PRKCG: variants seen among roughly 807,000 people sequenced by gnomAD.
PRKCG encodes protein kinase C gamma.
Under a neutral mutation model 82.0 loss-of-function variants are expected in PRKCG, and 28 were observed. The observed-to-expected ratio is 0.34, with a 90% CI of 0.25 to 0.47. PRKCG has a LOEUF of 0.47. PRKCG is among the 20% of genes least tolerant of loss of function. The pLI, the probability that PRKCG is intolerant of heterozygous loss-of-function variation, is 1.00. For synonymous variants in PRKCG, 383 were observed against 376.6 expected (o/e 1.02, Z -0.20); for missense variants, 640 against 952.7 (o/e 0.67, Z 4.32).
rs961741139 is a variant in PRKCG, at chr19:53,891,798, G to A, written c.654G>A (p.Thr218=). The change falls in exon 6 of 18, where the codon ACG becomes ACA. Residue 218 remains threonine, a synonymous_variant. Transcript: ENST00000263431. ...TKQKTRTVKA[T]LNPVWNETFV... Reference sequence around the variant, plus strand: ...AGAAGACCCGAACGGTGAAAGCCACGCTAAACCCTGTGTGGAATGAGACCT... The same window carrying A: ...AGAAGACCCGAACGGTGAAAGCCACACTAAACCCTGTGTGGAATGAGACCT... 1.9e-6 allele frequency: 3 copies of A among 1,613,958 alleles called. No homozygotes were observed. The highest frequency in any genetic ancestry group is 1.7e-5 in the Admixed American group (1 of 59,978).
rs149024478 is a variant in PRKCG at position 53,886,307 on chromosome 19, T to C, written c.285+2064T>C. On this transcript the variant is annotated intron_variant, in intron 3 of 17. Transcript: ENST00000263431. ...ATTTTTAGTAGACAGGGTTTCATCA[T>C]GCTGGCCAAGCTGGTCTTGCTCCTG... is the stretch of plus-strand genomic sequence containing the variant. Among the ~76,000 whole-genome samples the C allele has an allele frequency of 3.1e-3, 468 of 152,036 alleles. 5 individuals are homozygous for C. The highest frequency in any genetic ancestry group is 0.011 in the African/African-American group (441 of 41,508).
At chr19:53,897,830 G>C in intron 9 of PRKCG, 129 bp from the exon 10 acceptor site, 1 of 1,255,856 alleles carries the variant, frequency 8.0e-7, no homozygotes, top group South Asian at 1.2e-5. Context: ...CAGGGTAGGA[G>C]GGTGGCCATT....
chr19:53,906,893 T>C lies in PRKCG; in HGVS notation c.2092T>C (p.Ter698GlnextTer47), dbSNP rs1158020271. Residue 698 changes from the stop codon to glutamine, a stop_lost, in exon 18 of 18, where the codon TAA (stop) becomes CAA (glutamine). Transcript: ENST00000263431. ...PTSPVPVPVM[*>Q] ...CAGCCCAGTGCCTGTGCCCGTCATGTAATCTCACCCGCCGCCACTAGGTGT... is the reference window on the plus strand; with the variant it reads ...CAGCCCAGTGCCTGTGCCCGTCATGCAATCTCACCCGCCGCCACTAGGTGT... The C allele has an allele frequency of 6.2e-7, 1 of 1,613,122 alleles. No homozygotes were observed. The highest frequency in any genetic ancestry group is 2.2e-5 in the East Asian group (1 of 44,844).
At position 53,883,290 on chromosome 19, in the gene PRKCG, C is replaced by T; in HGVS notation, c.202+96C>T. 1 of 1,474,898 alleles carries T rather than the reference C, an allele frequency of 6.8e-7. No homozygotes were observed. Among genetic ancestry groups the T allele is most frequent in the Non-Finnish European group, 9.4e-7 (1 of 1,060,388 alleles). 91.4% of individuals were successfully genotyped at this position (1,474,898 alleles called of 1,614,324 possible). Reference sequence around the variant, plus strand: ...CTTGACACACGTGTTCTCTGGTCCCCAGAGAGGCGCGGGGGAGCCCGGGGC... The same window carrying T: ...CTTGACACACGTGTTCTCTGGTCCCTAGAGAGGCGCGGGGGAGCCCGGGGC... On this transcript the variant is annotated intron_variant, in intron 2 of 17. Coordinates refer to ENST00000263431, the MANE Select transcript of PRKCG (RefSeq NM_002739.5). The surrounding 1 kb of genome is among the most constrained non-coding windows in gnomAD (Gnocchi z 5.4).
In PRKCG at chr19:53,906,828, T is replaced by C; in HGVS notation, c.2027T>C (p.Val676Ala). 6.2e-7 allele frequency: 1 copy of C among 1,613,742 alleles called. No homozygotes were observed. The highest frequency in any genetic ancestry group is 1.1e-5 in the South Asian group (1 of 91,078). ...DQADFQGFTY[V>A]NPDFVHPDAR... is the part of the protein sequence containing the mutation. ...GCCGATTTCCAGGGCTTCACCTACGTGAACCCCGACTTCGTGCACCCGGAT... is the reference window on the plus strand; with the variant it reads ...GCCGATTTCCAGGGCTTCACCTACGCGAACCCCGACTTCGTGCACCCGGAT... Residue 676 changes from valine (V) to alanine (A), a missense_variant, in exon 18 of 18, where the codon GTG becomes GCG. Val to Ala is a moderately conservative substitution (Grantham distance 64, BLOSUM62 0). Around this residue, in one of 7 missense-constraint regions of PRKCG, gnomAD observed 198 missense variants for 273.4 expected, o/e 0.72. Transcript: ENST00000263431.
In PRKCG at chr19:53,892,591, G is replaced by T; in HGVS notation, c.769G>T (p.Gly257Trp). The T allele has an allele frequency of 6.2e-7, 1 of 1,613,658 alleles. No individual in the cohort carries two copies. The highest frequency in any genetic ancestry group is 8.5e-7 in the Non-Finnish European group (1 of 1,180,004). The change falls in exon 7 of 18, where the codon GGG becomes TGG. Residue 257 changes from glycine (G) to tryptophan (W), a missense_variant. Gly to Trp is a radical substitution (Grantham distance 184). Coordinates refer to ENST00000263431, the MANE Select transcript of PRKCG (RefSeq NM_002739.5). This position sits in a 1 kb window ranked among gnomAD's most constrained non-coding sequence, Gnocchi z 5.9. ...CCGGACCTCCCGCAACGACTTCATG[G>T]GGGCCATGTCCTTTGGCGTCTCGGA... is the stretch of plus-strand genomic sequence containing the variant. ...WDRTSRNDFMGAMSFGVSELL... is the reference protein window; with the variant it reads ...WDRTSRNDFMWAMSFGVSELL...
intron 11 of PRKCG, among the ~76,000 whole-genome samples, chr19:53,899,397 T>A (rs1339717412): frequency 6.6e-6 from 1 of 152,160 alleles, no homozygotes; most frequent in African/African-American, 2.4e-5. Context: ...GGGCTCCGAG[T>A]GACGGGGTCA....
In PRKCG at chr19:53,889,890, C is replaced by T. The variant is rs1263963986; in HGVS notation, c.402C>T (p.Cys134=). The T allele has an allele frequency of 1.3e-6, 2 of 1,584,382 alleles. No homozygotes were observed. The highest frequency in any genetic ancestry group is 1.8e-5 in the Admixed American group (1 of 56,016). The change falls in exon 5 of 18, where the codon TGC becomes TGT. Residue 134 remains cysteine (C), a synonymous_variant. Transcript: ENST00000263431. The surrounding 1 kb of genome is among the most constrained non-coding windows in gnomAD (Gnocchi z 4.4). ...ACCCGCAGCTTTCCCCTCCAGGCTG[C>T]GAGATGAACGTGCACCGGCGCTGTG... ...LVHQGMKCSC[C]EMNVHRRCVR...
intron 16 of PRKCG, 21 bp from the exon 17 acceptor site, chr19:53,906,296 C>T (rs1209172847): frequency 3.2e-6 from 5 of 1,551,038 alleles, no homozygotes; most frequent in African/African-American, 1.4e-5. Flanking sequence ...GTCTGTCTGT[C>T]TCTCTCTGTG....
chr19:53,900,402 C>A lies in PRKCG; in HGVS notation c.1374-17C>A, dbSNP rs576911806. On this transcript the variant is annotated splice_polypyrimidine_tract_variant and intron_variant, in intron 12 of 17. Transcript: ENST00000263431. The surrounding 1 kb of genome is among the most constrained non-coding windows in gnomAD (Gnocchi z 4.2). Reference sequence around the variant, plus strand: ...AGCCACTGACCTTCTGACGTCCCCACCCACCCCGTCCTCCAGGTTCTACGC... The same window carrying A: ...AGCCACTGACCTTCTGACGTCCCCAACCACCCCGTCCTCCAGGTTCTACGC... 3 of 1,613,970 alleles carry A rather than the reference C, an allele frequency of 1.9e-6. No homozygotes were observed. In the African/African-American group the frequency reaches 4.0e-5, roughly 22 times the overall value.
chr19:53,899,473 T>G (rs2068746575), intron 11 of PRKCG, among the ~76,000 whole-genome samples: 1 of 152,112 alleles, frequency 6.6e-6, no homozygotes, highest in South Asian at 2.1e-4. Flanking sequence ...GATTGCGACT[T>G]AGGGGCAGAG....
chr19:53,901,753 G>A (rs1031653890), intron 14 of PRKCG, among the ~76,000 whole-genome samples: 2 of 150,974 alleles, frequency 1.3e-5, no homozygotes, highest in Admixed American at 1.3e-4. Flanking sequence ...GGGAGGCTGA[G>A]GCAGGAGAAT....
intron 14 of PRKCG, among the ~76,000 whole-genome samples, chr19:53,901,284 C>G (rs1471259503): frequency 6.6e-6 from 1 of 152,204 alleles, no homozygotes; most frequent in Non-Finnish European, 1.5e-5. Flanking sequence ...TGGCTCACAC[C>G]TGTAATCCCA....
At position 53,882,343 on chromosome 19, in the gene PRKCG, G is replaced by A; in HGVS notation, c.-152G>A. On this transcript the variant is annotated 5_prime_UTR_variant, in exon 1 of 18. Transcript: ENST00000263431. The surrounding 1 kb of genome is among the most constrained non-coding windows in gnomAD (Gnocchi z 6.1). ...CCCGGGGTGCCGCTCCCTGCCTGGCGCGCTCCGCACCTGGAGGTGCCTTGC... is the reference window on the plus strand; with the variant it reads ...CCCGGGGTGCCGCTCCCTGCCTGGCACGCTCCGCACCTGGAGGTGCCTTGC... 1 of 1,173,400 alleles carries A rather than the reference G, an allele frequency of 8.5e-7. No homozygotes were observed. Among genetic ancestry groups the A allele is most frequent in the Admixed American group, 2.4e-5 (1 of 41,040 alleles). The allele number at this position is 1,173,400 out of a possible 1,614,324, so 72.7% of individuals were successfully genotyped here.
chr19:53,898,306 G>A, intron 10 of PRKCG, 134 bp from the exon 11 acceptor site: 1 of 1,354,024 alleles, frequency 7.4e-7, no homozygotes, highest in Non-Finnish European at 1.0e-6. Flanking sequence ...CGGGCGGCAA[G>A]TCAGGGCTGT....
chr19:53,903,234 A>G (rs1599953730), intron 15 of PRKCG, 81 bp downstream of exon 15: 1 of 1,108,264 alleles, frequency 9.0e-7, no homozygotes, highest in East Asian at 2.3e-5. Context: ...CCAGTTAGAA[A>G]GGAGCCCAGA....
In PRKCG at chr19:53,892,688, A is replaced by G; in HGVS notation, c.821+45A>G. 2 of 1,591,232 alleles carry G rather than the reference A, an allele frequency of 1.3e-6. No individual in the cohort carries two copies. Among genetic ancestry groups the G allele is most frequent in the African/African-American group, 1.4e-5 (1 of 73,746 alleles). On this transcript the variant is annotated intron_variant, in intron 7 of 17. Transcript: ENST00000263431. This position sits in a 1 kb window ranked among gnomAD's most constrained non-coding sequence, Gnocchi z 5.9. ...CCTGGGGATGGAGCGCAATATTACC[A>G]TCTCCATCTGTGTGTGGTCTCTCTC...
Position 53,883,206 on chromosome 19 carries a change from G to A in PRKCG, c.202+12G>A. The A allele has an allele frequency of 6.2e-7, 1 of 1,613,904 alleles. No homozygotes were observed. Among genetic ancestry groups the A allele is most frequent in the South Asian group, 1.1e-5 (1 of 91,080 alleles). ...CCTGCAATGTCAAGGTAAGAGCTGG[G>A]GACCGGGGCTCCTGGGACCCTCAGG... On this transcript the variant is annotated intron_variant, in intron 2 of 17. Coordinates refer to ENST00000263431, the MANE Select transcript of PRKCG (RefSeq NM_002739.5). The surrounding 1 kb of genome is among the most constrained non-coding windows in gnomAD (Gnocchi z 5.4).
At chr19:53,906,118 CTTTTCT>C (rs1404268513) in intron 16 of PRKCG, among the ~76,000 whole-genome samples, 193 bp from the exon 17 acceptor site, 3 of 82,744 alleles carry the variant, frequency 3.6e-5, no homozygotes, top group African/African-American at 3.2e-4. Context: ...TCTTCTTCTT[CTTTTCT>C]TCTCTCTCTC....
Sources: allele counts gnomAD v4.1 joint callset (sites outside exome capture counted in the v4.1 genomes callset), GRCh38; gene constraint gnomAD v4.1.1; regional missense constraint gnomAD v4.1.1; non-coding constraint Gnocchi (gnomAD v3.1); transcripts MANE v1.5; gene names NCBI Gene and HGNC (gene_info 2026-07-23, HGNC 2026-07-21).